SEPHS1: variants seen among roughly 807,000 people sequenced by gnomAD.
SEPHS1 encodes selenophosphate synthetase 1, also known as zincore component SEPHS1.
A neutral mutation model predicts 39.2 loss-of-function variants in SEPHS1; 7 were observed. The ratio of observed to expected loss-of-function variants is 0.18; its 90% CI spans 0.10 to 0.34. SEPHS1 has a LOEUF of 0.34. Among genes scored for constraint, SEPHS1 ranks in the 10% least tolerant of loss-of-function variants. SEPHS1 has a pLI of 1.00. For synonymous variants in SEPHS1, 190 were observed against 195.5 expected (o/e 0.97, Z 0.23); for missense variants, 253 against 514.5 (o/e 0.49, Z 4.92).
Position 13,344,093 on chromosome 10 carries a change from C to T in SEPHS1, c.193+665G>A, listed in dbSNP as rs1489984820. 3.9e-5 allele frequency among the ~76,000 whole-genome samples: 6 copies of T among 152,126 alleles called. No individual in the cohort carries two copies. The East Asian group carries it at 1.2e-3, about 29-fold the overall frequency. On this transcript the variant is annotated intron_variant, in intron 2 of 8. Coordinates refer to ENST00000327347, the MANE Select transcript of SEPHS1 (RefSeq NM_012247.5). ...ATCCTGGGGTCAAGAACAGATCCAT[C>T]CAGTCCTGGGTCTGGAGCAGTCCCA...
chr10:13,345,431 A>C (rs2130703011), intron 1 of SEPHS1: 1 of 153,596 alleles, frequency 6.5e-6, no homozygotes, highest in Non-Finnish European at 1.5e-5. Context: ...ACTTTTCCGC[A>C]AAATCTTTTG....
chr10:13,329,246 T>C (rs1004310874), intron 6 of SEPHS1, among the ~76,000 whole-genome samples: 2 of 152,164 alleles, frequency 1.3e-5, no homozygotes, highest in Non-Finnish European at 2.9e-5. Context: ...ATGTTCTGAG[T>C]TACTCATCAG....
intron 2 of SEPHS1, among the ~76,000 whole-genome samples, chr10:13,344,008 A>G (rs1833863127): frequency 6.6e-6 from 1 of 152,202 alleles, no homozygotes; most frequent in Non-Finnish European, 1.5e-5. Flanking sequence ...GGAAAAGTGA[A>G]ATCACTCATG....
At chr10:13,343,672 G>A (rs1009518236) in intron 2 of SEPHS1, among the ~76,000 whole-genome samples, 3 of 88,076 alleles carry the variant, frequency 3.4e-5, no homozygotes, top group Middle Eastern at 4.5e-3. Context: ...AAAATTAGCC[G>A]GGCATGTGGC....
chr10:13,347,434 G>A (rs1217928718), intron 1 of SEPHS1: 1 of 150,198 alleles, frequency 6.7e-6, no homozygotes, highest in African/African-American at 2.4e-5. Context: ...CGGGCTGCGG[G>A]CCGGCGGCGG....
intron 1 of SEPHS1, among the ~76,000 whole-genome samples, chr10:13,346,511 C>T (rs1225427260): frequency 6.6e-6 from 1 of 152,182 alleles, no homozygotes; most frequent in African/African-American, 2.4e-5. Flanking sequence ...GAGCAGGAGT[C>T]AGCCTTCGAA....
At chr10:13,323,866 G>C (rs1833183811) in intron 7 of SEPHS1, among the ~76,000 whole-genome samples, 1 of 151,934 alleles carries the variant, frequency 6.6e-6, no homozygotes, top group South Asian at 2.1e-4. Flanking sequence ...CAAAGCGCTG[G>C]GATCACAAGT....
rs892589418 is a variant in SEPHS1 at position 13,322,855 on chromosome 10, C to G, written c.944G>C (p.Gly315Ala). Residue 315 changes from glycine (G) to alanine (A), a missense_variant, in exon 8 of 9, where the codon GGG becomes GCG. Physicochemically the swap from Gly to Ala is moderately conservative, Grantham distance 60. Transcript: ENST00000327347. The stretch of plus-strand genomic sequence containing the variant: ...TGTACCTGAAGTCTCCGGGCAGGTC[C>G]CGTGCATGAGGCCGAACATGTTTCC... Reference protein sequence around the residue: ...ACGNMFGLMHGTCPETSGGLL... With the variant: ...ACGNMFGLMHATCPETSGGLL... 5 of 1,613,764 alleles carry G rather than the reference C, an allele frequency of 3.1e-6. No homozygotes were observed. Among genetic ancestry groups the G allele is most frequent in the Non-Finnish European group, 4.2e-6 (5 of 1,179,870 alleles).
rs1238673464 is a variant in SEPHS1, at chr10:13,319,369, A to G, written c.965-13T>C. 4 of 1,612,244 alleles carry G rather than the reference A, an allele frequency of 2.5e-6. No homozygotes were observed. The highest frequency in any genetic ancestry group is 1.7e-6 in the Non-Finnish European group (2 of 1,179,422). ...ATCAGAAGGCCGCCTGGCAAAAGAA[A>G]ACAAGAATGACTGTTAGTGTTGACA... On this transcript the variant is annotated splice_polypyrimidine_tract_variant and intron_variant, in intron 8 of 8. Coordinates refer to ENST00000327347, the MANE Select transcript of SEPHS1 (RefSeq NM_012247.5).
intron 7 of SEPHS1, 140 bp from the exon 8 acceptor site, chr10:13,323,187 C>T (rs1833165893): frequency 1.4e-6 from 1 of 711,640 alleles, no homozygotes; most frequent in Non-Finnish European, 2.3e-6. Flanking sequence ...TAAAATCAAC[C>T]AAAGACATAG....
intron 7 of SEPHS1, among the ~76,000 whole-genome samples, chr10:13,327,052 A>G (rs866814048): frequency 6.6e-6 from 1 of 152,022 alleles, no homozygotes; most frequent in African/African-American, 2.4e-5. Context: ...AGCCTGGCCA[A>G]CATAGTGAAA....
chr10:13,347,262 C>T (rs1438224577), intron 1 of SEPHS1: 1 of 151,980 alleles, frequency 6.6e-6, no homozygotes. Flanking sequence ...GCTGCCCCGC[C>T]AACCCCGGAC....
At chr10:13,324,535 G>A (rs1308390749) in intron 7 of SEPHS1, among the ~76,000 whole-genome samples, 3 of 152,232 alleles carry the variant, frequency 2.0e-5, no homozygotes, top group Non-Finnish European at 2.9e-5. Flanking sequence ...GGCTGTGCCA[G>A]TTTTCAGTCC....
chr10:13,346,781 T>A (rs1182431423), intron 1 of SEPHS1, among the ~76,000 whole-genome samples: 5 of 152,132 alleles, frequency 3.3e-5, no homozygotes, highest in Non-Finnish European at 4.4e-5. Context: ...CTACCTCCTA[T>A]CTATTCCTCT....
Position 13,332,015 on chromosome 10 carries a change from C to G in SEPHS1, c.560+1802G>C, listed in dbSNP as rs1414325338. On this transcript the variant is annotated intron_variant, in intron 5 of 8. Transcript: ENST00000327347. ...TTCCTCAAGTTAAACATAATTACCA[C>G]ATGACCCAGTCAATTCTTAGGTATA... is the stretch of plus-strand genomic sequence containing the variant. Among the ~76,000 whole-genome samples, 3 of 152,264 alleles carry G rather than the reference C, an allele frequency of 2.0e-5. No individual in the cohort carries two copies. The East Asian group carries it at 5.8e-4, about 29-fold the overall frequency.
chr10:13,341,905 G>C (rs1286417660), intron 2 of SEPHS1, among the ~76,000 whole-genome samples: 2 of 150,794 alleles, frequency 1.3e-5, no homozygotes, highest in Admixed American at 1.3e-4. Context: ...AACCCGGGAG[G>C]CAGAGGTTGC....
chr10:13,328,278 T>G, intron 7 of SEPHS1, 73 bp downstream of exon 7: 1 of 1,032,134 alleles, frequency 9.7e-7, no homozygotes, highest in East Asian at 2.4e-5. Flanking sequence ...TGAGACAGTA[T>G]GTGGCCAGAA....
At position 13,318,082 on chromosome 10, in the gene SEPHS1, T is replaced by TA. The variant is rs1449062034; in HGVS notation, c.*1059dup. The stretch of plus-strand genomic sequence containing the variant: ...GGCATCTGATTATACAAGAGCAATT[T>TA]AAAAAATTAAATATTTATTTGAATA... On this transcript the variant is annotated 3_prime_UTR_variant, in exon 9 of 9. Transcript: ENST00000327347. 1 of 152,236 alleles carries TA rather than the reference T, an allele frequency of 6.6e-6. No homozygotes were observed. Among genetic ancestry groups the TA allele is most frequent in the Non-Finnish European group, 1.5e-5 (1 of 68,046 alleles). The allele number at this position is 152,236 out of a possible 1,614,324, so 9.4% of individuals were successfully genotyped here.
At chr10:13,342,584 TCAA>T (rs1192297364) in intron 2 of SEPHS1, among the ~76,000 whole-genome samples, 3 of 151,936 alleles carry the variant, frequency 2.0e-5, no homozygotes, top group Admixed American at 1.3e-4. Flanking sequence ...AGACTTCATC[TCAA>T]CAACAACAAA....
Sources: allele counts gnomAD v4.1 joint callset (sites outside exome capture counted in the v4.1 genomes callset), GRCh38; gene constraint gnomAD v4.1.1; transcripts MANE v1.5; gene names NCBI Gene and HGNC (gene_info 2026-07-23, HGNC 2026-07-21).